The following NREP variants were observed in gnomAD, a reference collection of about 807,000 sequenced individuals.
NREP encodes the protein neuronal regeneration-related protein.
In NREP, 5 loss-of-function variants were observed where a neutral mutation model predicts 8.6. That is an observed-to-expected ratio of 0.58 (90% confidence interval 0.30 to 1.22). NREP has a LOEUF of 1.22. Among genes scored for constraint, NREP ranks in the 50% most tolerant of loss-of-function variants. The probability of loss-of-function intolerance (pLI) is 0.07; values close to 1 mark genes in which losing one functional copy is unlikely to be tolerated. For missense variants in NREP, 86 were observed against 82.5 expected, an observed-to-expected ratio of 1.04 and a Z score of -0.17; for synonymous variants, 27 against 28.0, an observed-to-expected ratio of 0.96 and a Z score of 0.11.
At chr5:111,816,451 A>G (rs1752387697) in intron 2 of NREP, among the ~76,000 whole-genome samples, 1 of 152,158 alleles carries the variant, frequency 6.6e-6, no homozygotes. Context: ...CAATTGTGAA[A>G]AGATGAGAGG....
At chr5:111,781,468 CCAG>C (rs1228213667) in intron 2 of NREP, among the ~76,000 whole-genome samples, 2 of 152,142 alleles carry the variant, frequency 1.3e-5, no homozygotes, top group Admixed American at 6.6e-5. Context: ...ATTCTAGTTC[CCAG>C]TCTTGGAGTT....
At chr5:111,901,141 A>C (rs1754637324) in intron 2 of NREP, among the ~76,000 whole-genome samples, 1 of 152,162 alleles carries the variant, frequency 6.6e-6, no homozygotes, top group Non-Finnish European at 1.5e-5. Context: ...ACATCATTAC[A>C]AGATGATTAT....
chr5:111,805,005 A>ACAG (rs1752109258), intron 2 of NREP, among the ~76,000 whole-genome samples: 1 of 151,728 alleles, frequency 6.6e-6, no homozygotes, highest in Non-Finnish European at 1.5e-5. Flanking sequence ...CGTCTCAACA[A>ACAG]CAACAACAAC....
chr5:111,891,385 C>T (rs1561713567), intron 2 of NREP, among the ~76,000 whole-genome samples: 1 of 152,196 alleles, frequency 6.6e-6, no homozygotes. Flanking sequence ...TTAACAGTCT[C>T]TAAAAAATTT....
intron 2 of NREP, among the ~76,000 whole-genome samples, chr5:111,903,029 T>C (rs1004316637): frequency 6.6e-6 from 1 of 151,906 alleles, no homozygotes; most frequent in African/African-American, 2.4e-5. Context: ...GAAGTTTATA[T>C]TTTATATTTT....
intron 2 of NREP, chr5:111,912,464 A>T (rs1754940354): frequency 6.6e-6 from 1 of 152,108 alleles, no homozygotes; most frequent in Non-Finnish European, 1.5e-5. Context: ...AGCTTGAGTC[A>T]TAATCTATTC....
rs1481475009 is a variant in NREP, at chr5:111,731,792, C to G, written c.82-746G>C. ...GTGTTTCTGACTAGAATAACTCAAT[C>G]TCAGTGTGACTACTGATCCGCCGCC... On this transcript the variant is annotated intron_variant, in intron 3 of 3. Coordinates refer to ENST00000257435, the MANE Select transcript of NREP (RefSeq NM_004772.4). 3 of 152,412 alleles carry G rather than the reference C, an allele frequency of 2.0e-5. No individual in the cohort carries two copies. In the East Asian group the frequency reaches 5.8e-4, roughly 29 times the overall value. The allele number at this position is 152,412 out of a possible 1,614,324, so 9.4% of individuals were successfully genotyped here.
chr5:111,888,880 T>C (rs565982388), intron 2 of NREP, among the ~76,000 whole-genome samples: 7 of 152,054 alleles, frequency 4.6e-5, no homozygotes, highest in Admixed American at 2.0e-4. Context: ...GAGTACAAAA[T>C]GAGCAAATAT....
chr5:111,799,141 A>G (rs1013399975), intron 2 of NREP, among the ~76,000 whole-genome samples: 1 of 152,136 alleles, frequency 6.6e-6, no homozygotes, highest in African/African-American at 2.4e-5. Flanking sequence ...CTATTTTTAT[A>G]CCAGTACCAT....
chr5:111,748,124 GA>G (rs1349865882), intron 2 of NREP, among the ~76,000 whole-genome samples: 1 of 152,098 alleles, frequency 6.6e-6, no homozygotes, highest in Non-Finnish European at 1.5e-5. Context: ...TTTTTTATCA[GA>G]CCATACCAAC....
intron 2 of NREP, among the ~76,000 whole-genome samples, chr5:111,876,142 G>A (rs1039344676): frequency 6.6e-6 from 1 of 152,112 alleles, no homozygotes; most frequent in South Asian, 2.1e-4. Flanking sequence ...GACATGCCTG[G>A]CCCCCAGGTA....
chr5:111,904,614 C>T (rs940731405), intron 2 of NREP, among the ~76,000 whole-genome samples: 4 of 152,014 alleles, frequency 2.6e-5, no homozygotes, highest in African/African-American at 4.8e-5. Context: ...ATTGTTGAAT[C>T]ATATTCCATT....
chr5:111,877,893 C>T (rs1201397783), intron 2 of NREP, among the ~76,000 whole-genome samples: 1 of 152,216 alleles, frequency 6.6e-6, no homozygotes, highest in Non-Finnish European at 1.5e-5. Context: ...CATAGGGCCA[C>T]ACTGGAGTAT....
intron 2 of NREP, among the ~76,000 whole-genome samples, chr5:111,774,499 T>C (rs1751312218): frequency 6.6e-6 from 1 of 152,124 alleles, no homozygotes; most frequent in South Asian, 2.1e-4. Context: ...TTTAAAAACA[T>C]AGAACCTCCC....
chr5:111,900,712 G>A (rs1225039134), intron 2 of NREP, among the ~76,000 whole-genome samples: 1 of 151,924 alleles, frequency 6.6e-6, no homozygotes, highest in African/African-American at 2.4e-5. Flanking sequence ...AAACCAGGAA[G>A]AAAGAGAAAT....
At position 111,740,428 on chromosome 5, in the gene NREP, G is replaced by A. The variant is rs189765788; in HGVS notation, c.4-4921C>T. Among the ~76,000 whole-genome samples, 8 of 152,102 alleles carry A rather than the reference G, an allele frequency of 5.3e-5. No individual in the cohort carries two copies. The East Asian group carries it at 1.5e-3, about 29-fold the overall frequency. ...ATATTCTATCACAGCATACAAATTG[G>A]AAATAAAATACTCAGGGTTTTGTCC... On this transcript the variant is annotated intron_variant, in intron 2 of 3. Coordinates refer to ENST00000257435, the MANE Select transcript of NREP (RefSeq NM_004772.4).
intron 2 of NREP, among the ~76,000 whole-genome samples, chr5:111,849,011 G>A (rs1425202233): frequency 6.6e-6 from 1 of 152,096 alleles, no homozygotes; most frequent in East Asian, 1.9e-4. Context: ...TTAACCTCTG[G>A]TGTACAAATT....
At chr5:111,873,920 T>G (rs1296461198) in intron 2 of NREP, among the ~76,000 whole-genome samples, 1 of 152,128 alleles carries the variant, frequency 6.6e-6, no homozygotes, top group Non-Finnish European at 1.5e-5. Flanking sequence ...TCCCATTCCC[T>G]CTGAATTTCT....
intron 2 of NREP, among the ~76,000 whole-genome samples, chr5:111,886,723 C>CA (rs1219549786): frequency 1.3e-5 from 2 of 148,972 alleles, no homozygotes; most frequent in Admixed American, 6.7e-5. Context: ...ATCGCAAGAA[C>CA]AAAAAACCAA....
Sources: gnomAD v4.1 joint callset for allele counts (sites outside exome capture counted in the v4.1 genomes callset) on GRCh38, gnomAD v4.1.1 for gene constraint, MANE v1.5 for transcripts, NCBI Gene and HGNC (gene_info 2026-07-23, HGNC 2026-07-21) for gene names.